The following LIMCH1 variants were observed in gnomAD, a reference collection of about 807,000 sequenced individuals.
LIMCH1 encodes LIM and calponin homology domains 1, also known as LIM and calponin homology domains-containing protein 1.
A neutral mutation model predicts 176.5 loss-of-function variants in LIMCH1; 113 were observed. The observed-to-expected ratio is 0.64, with a 90% CI of 0.55 to 0.75. The LOEUF (loss-of-function observed/expected upper bound fraction) is 0.75, where lower values mean the gene tolerates loss of function less well. Among genes scored for constraint, LIMCH1 ranks in the 30% least tolerant of loss-of-function variants. The probability of loss-of-function intolerance (pLI) is 0.00; values close to 1 mark genes in which losing one functional copy is unlikely to be tolerated. For synonymous variants in LIMCH1, 619 were observed against 645.9 expected, an observed-to-expected ratio of 0.96 and a Z score of 0.63; for missense variants, 1,674 against 1,814.9, an observed-to-expected ratio of 0.92 and a Z score of 1.41.
intron 6 of LIMCH1, 121 bp downstream of exon 6, chr4:41,619,561 G>A: frequency 7.8e-7 from 1 of 1,281,476 alleles, no homozygotes; most frequent in Non-Finnish European, 1.1e-6. Context: ...GATTACAGAT[G>A]GAGGTGGGTG....
At chr4:41,620,390 T>C (rs1157724333) in intron 6 of LIMCH1, 34 bp from the exon 7 acceptor site, 1 of 1,525,568 alleles carries the variant, frequency 6.6e-7, no homozygotes, top group Admixed American at 2.0e-5. Flanking sequence ...GCCCAGTCTG[T>C]TAGTTTGGTA....
chr4:41,498,372 A>G (rs1039541974), intron 2 of LIMCH1, among the ~76,000 whole-genome samples: 1 of 152,236 alleles, frequency 6.6e-6, no homozygotes, highest in Admixed American at 6.5e-5. Flanking sequence ...ATACTAATAC[A>G]TAAATGTATA....
chr4:41,548,821 G>A (rs928578921), intron 1 of LIMCH1, among the ~76,000 whole-genome samples: 2 of 152,112 alleles, frequency 1.3e-5, no homozygotes, highest in Admixed American at 6.6e-5. Context: ...AGAGGCAGGA[G>A]GACTAAGTAT....
chr4:41,605,862 A>G, intron 3 of LIMCH1, 32 bp from the exon 4 acceptor site: 1 of 1,411,868 alleles, frequency 7.1e-7, no homozygotes, highest in East Asian at 2.3e-5. Flanking sequence ...TTCTTGAGGG[A>G]AAAATCTGCT....
chr4:41,584,171 G>A (rs1162294249), intron 1 of LIMCH1, among the ~76,000 whole-genome samples: 2 of 152,142 alleles, frequency 1.3e-5, no homozygotes, highest in Admixed American at 1.3e-4. Flanking sequence ...GTCTTAACCT[G>A]CAGCCCTATA....
intron 1 of LIMCH1, among the ~76,000 whole-genome samples, chr4:41,370,599 C>G (rs1478967912): frequency 6.6e-6 from 1 of 152,058 alleles, no homozygotes; most frequent in Non-Finnish European, 1.5e-5. Flanking sequence ...CCTAAGGGAC[C>G]ATGCAAGATG....
At chr4:41,423,871 A>C (rs1167900895) in intron 1 of LIMCH1, among the ~76,000 whole-genome samples, 1 of 151,902 alleles carries the variant, frequency 6.6e-6, no homozygotes, top group Admixed American at 6.6e-5. Flanking sequence ...AGAGAAGGGA[A>C]AGGTGGGTTG....
chr4:41,589,358 G>C (rs1231667207), intron 1 of LIMCH1, among the ~76,000 whole-genome samples: 1 of 152,158 alleles, frequency 6.6e-6, no homozygotes, highest in Non-Finnish European at 1.5e-5. Context: ...GCAGGTGCCT[G>C]GCTGAAGCCG....
chr4:41,492,980 A>G (rs1170135307), intron 1 of LIMCH1, among the ~76,000 whole-genome samples: 6 of 152,190 alleles, frequency 3.9e-5, no homozygotes, highest in African/African-American at 1.4e-4. Context: ...AATGATTTAC[A>G]TATAACCATA....
chr4:41,364,048 A>T (rs2052575877), intron 1 of LIMCH1, among the ~76,000 whole-genome samples: 1 of 152,106 alleles, frequency 6.6e-6, no homozygotes, highest in Non-Finnish European at 1.5e-5. Flanking sequence ...TAGCTGGATG[A>T]CCCTGAGCAA....
intron 2 of LIMCH1, among the ~76,000 whole-genome samples, chr4:41,602,643 A>G (rs1400153586): frequency 6.6e-6 from 1 of 152,064 alleles, no homozygotes; most frequent in Non-Finnish European, 1.5e-5. Context: ...CCCCATTTCT[A>G]CTAAAAATAC....
At chr4:41,378,259 T>C (rs1453043) in intron 1 of LIMCH1, among the ~76,000 whole-genome samples, 64,827 of 151,988 alleles carry the variant, frequency 0.43, 15,708 homozygotes, top group African/African-American at 0.67. Flanking sequence ...GGGTTTGGTG[T>C]TGGAACTAAA....
chr4:41,408,598 A>C (rs1285107105), intron 1 of LIMCH1, among the ~76,000 whole-genome samples: 2 of 152,204 alleles, frequency 1.3e-5, no homozygotes, highest in Non-Finnish European at 2.9e-5. Flanking sequence ...CCTGGACCCA[A>C]CTGTATAGTG....
chr4:41,368,664 G>A (rs896528438), intron 1 of LIMCH1, among the ~76,000 whole-genome samples: 2 of 152,026 alleles, frequency 1.3e-5, no homozygotes, highest in Non-Finnish European at 2.9e-5. Context: ...AACAAGGTAG[G>A]GTAGAAACAC....
At chr4:41,407,492 A>C (rs1173776748) in intron 1 of LIMCH1, among the ~76,000 whole-genome samples, 1 of 152,182 alleles carries the variant, frequency 6.6e-6, no homozygotes, top group Non-Finnish European at 1.5e-5. Context: ...GGCCTCCCAA[A>C]GTGCCGGGTT....
chr4:41,536,433 G>A (rs188021312), upstream of LIMCH1, among the ~76,000 whole-genome samples: 58 of 152,044 alleles, frequency 3.8e-4, 1 homozygote, highest in South Asian at 7.1e-3. Context: ...CCTCTCTGTC[G>A]CTCTGTCCAC....
chr4:41,395,769 G>A (rs1157256124), intron 1 of LIMCH1, among the ~76,000 whole-genome samples: 4 of 152,054 alleles, frequency 2.6e-5, no homozygotes, highest in Non-Finnish European at 5.9e-5. Flanking sequence ...CTATATGTCA[G>A]GAACTTTTCT....
At chr4:41,637,864 G>A (rs779390760) in intron 13 of LIMCH1, among the ~76,000 whole-genome samples, 20 of 152,248 alleles carry the variant, frequency 1.3e-4, no homozygotes, top group Non-Finnish European at 2.6e-4. Context: ...AGGAAGAGAT[G>A]TTTAGAAATT....
chr4:41,503,271 G>A (rs1168739032), intron 2 of LIMCH1, among the ~76,000 whole-genome samples: 1 of 152,122 alleles, frequency 6.6e-6, no homozygotes, highest in Non-Finnish European at 1.5e-5. Flanking sequence ...TAACCGAATG[G>A]CCAGGTCTGG....
Sources: allele counts gnomAD v4.1 joint callset (sites outside exome capture counted in the v4.1 genomes callset), GRCh38; gene constraint gnomAD v4.1.1; transcripts MANE v1.5; gene names NCBI Gene and HGNC (gene_info 2026-07-23, HGNC 2026-07-21).